The following RPH3AL variants were observed in gnomAD, a reference collection of about 807,000 sequenced individuals.
RPH3AL encodes rabphilin 3A like (without C2 domains), also known as rab effector Noc2.
Under a neutral mutation model 43.1 loss-of-function variants are expected in RPH3AL, and 38 were observed. The observed-to-expected ratio is 0.88, with a 90% CI of 0.68 to 1.15. RPH3AL has a LOEUF of 1.15. Ranked by LOEUF, RPH3AL falls within the 50% of genes most tolerant of loss-of-function variation. The pLI is 0.00. For missense variants in RPH3AL, 462 were observed against 423.2 expected, an observed-to-expected ratio of 1.09 and a Z score of -0.81; for synonymous variants, 189 against 176.3, an observed-to-expected ratio of 1.07 and a Z score of -0.57.
At chr17:221,723 G>C (rs62059575) in intron 7 of RPH3AL, among the ~76,000 whole-genome samples, 364 of 80,440 alleles carry the variant, frequency 4.5e-3, no homozygotes, top group Middle Eastern at 0.015. Flanking sequence ...CATCAGCTCT[G>C]AGGCCTCCAC....
intron 2 of RPH3AL, chr17:332,568 C>G (rs925789893): frequency 5.7e-6 from 1 of 176,482 alleles, no homozygotes. Context: ...AACTGTATTT[C>G]ATCAGAGAGA....
intron 2 of RPH3AL, chr17:331,579 C>T (rs781349963): frequency 1.3e-5 from 17 of 1,280,728 alleles, no homozygotes; most frequent in South Asian, 1.0e-4. Context: ...GGAAGGGCAA[C>T]TCGAGGAGGC....
intron 7 of RPH3AL, among the ~76,000 whole-genome samples, chr17:224,953 G>A (rs1216250501): frequency 6.8e-5 from 6 of 88,764 alleles, no homozygotes; most frequent in African/African-American, 1.8e-4. Flanking sequence ...ATCACACACC[G>A]GGGCCTGTCA....
In RPH3AL at chr17:333,280, C is replaced by T. The variant is rs547839985; in HGVS notation, c.-37+479G>A. ...CAGAGACGGCCATTATGCAGCCTCA[C>T]GTGGTCACTCCTGGGGGCGGTAGGA... On this transcript the variant is annotated intron_variant, in intron 2 of 9. Transcript: ENST00000331302. The surrounding 1 kb of genome is among the most constrained non-coding windows in gnomAD (Gnocchi z 4.5). The T allele has an allele frequency of 1.6e-5, 21 of 1,288,188 alleles. No individual in the cohort carries two copies. Among genetic ancestry groups the T allele is most frequent in the Admixed American group, 1.6e-4 (7 of 43,554 alleles). The allele number at this position is 1,288,188 out of a possible 1,614,324, so 79.8% of individuals were successfully genotyped here.
chr17:295,428 A>T (rs2043154385), intron 5 of RPH3AL, among the ~76,000 whole-genome samples: 1 of 111,626 alleles, frequency 9.0e-6, no homozygotes, highest in Admixed American at 9.0e-5. Flanking sequence ...GGGAATGCAC[A>T]TCAGTGTGGG....
chr17:310,390 G>A (rs563048184), intron 5 of RPH3AL, among the ~76,000 whole-genome samples: 38 of 152,128 alleles, frequency 2.5e-4, no homozygotes, highest in African/African-American at 8.7e-4. Flanking sequence ...CTGGGGGCGC[G>A]TGTGTGTGCC....
chr17:238,853 C>A (rs1342270082), intron 7 of RPH3AL, among the ~76,000 whole-genome samples: 2 of 152,148 alleles, frequency 1.3e-5, no homozygotes, highest in Non-Finnish European at 1.5e-5. Context: ...CCCACAGCAC[C>A]GGTGCCGCCA....
At position 323,495 on chromosome 17, in the gene RPH3AL, C is replaced by T. The variant is rs913715241; in HGVS notation, c.78-2080G>A. Among the ~76,000 whole-genome samples the T allele has an allele frequency of 2.0e-5, 3 of 152,226 alleles. No homozygotes were observed. Among genetic ancestry groups the T allele is most frequent in the Non-Finnish European group, 4.4e-5 (3 of 68,040 alleles). ...ACCCCTACCTACTGGTTTGTTCCAT[C>T]TGAGCATTTCGGAGGCTCCAGGGGT... On this transcript the variant is annotated intron_variant, in intron 3 of 9. Transcript: ENST00000331302. The surrounding 1 kb of genome is among the most constrained non-coding windows in gnomAD (Gnocchi z 4.4).
chr17:278,688 C>T (rs868146696), intron 6 of RPH3AL, among the ~76,000 whole-genome samples: 4 of 152,158 alleles, frequency 2.6e-5, no homozygotes, highest in South Asian at 2.1e-4. Context: ...ACTTGATCAC[C>T]GTCTGTGACA....
intron 8 of RPH3AL, among the ~76,000 whole-genome samples, chr17:217,462 C>T (rs112715135): frequency 1.7e-3 from 77 of 46,276 alleles, no homozygotes; most frequent in Non-Finnish European, 2.3e-3. Flanking sequence ...AATCAGGACC[C>T]CCAAGGCATT....
In RPH3AL at chr17:332,990, G is replaced by C. The variant is rs1162783450; in HGVS notation, c.-37+769C>G. 4 of 1,282,190 alleles carry C rather than the reference G, an allele frequency of 3.1e-6. No homozygotes were observed. In the African/African-American group the frequency reaches 4.6e-5, roughly 15 times the overall value. The allele number at this position is 1,282,190 out of a possible 1,614,324, so 79.4% of individuals were successfully genotyped here. Reference sequence around the variant, plus strand: ...ATAATTTCCCGAAAAATTCCTAGGGGACAGAGGCTCATCAGCCCCAGGCAA... The same window carrying C: ...ATAATTTCCCGAAAAATTCCTAGGGCACAGAGGCTCATCAGCCCCAGGCAA... On this transcript the variant is annotated intron_variant, in intron 2 of 9. Coordinates refer to ENST00000331302, the MANE Select transcript of RPH3AL (RefSeq NM_006987.4).
At chr17:258,553 C>T (rs2042121812) in intron 6 of RPH3AL, among the ~76,000 whole-genome samples, 1 of 152,138 alleles carries the variant, frequency 6.6e-6, no homozygotes. Context: ...GCCTCTCCTC[C>T]CCAGCTGCCC....
chr17:302,468 C>T (rs1003057542), intron 5 of RPH3AL, among the ~76,000 whole-genome samples: 15 of 152,196 alleles, frequency 9.9e-5, no homozygotes, highest in African/African-American at 2.4e-4. Context: ...GGATTTCAGA[C>T]GTGGGCAGGT....
At chr17:251,738 CG>C (rs1468468441) in intron 6 of RPH3AL, among the ~76,000 whole-genome samples, 1 of 152,230 alleles carries the variant, frequency 6.6e-6, no homozygotes, top group African/African-American at 2.4e-5. Context: ...CAAAAGGCCA[CG>C]GGGGCCATGG....
rs544438827 is a variant in RPH3AL at position 341,355 on chromosome 17, A to C, written c.-212-7421T>G. The C allele has an allele frequency of 2.6e-5, 4 of 152,236 alleles. No individual in the cohort carries two copies. The South Asian group carries it at 8.3e-4, about 32-fold the overall frequency. The allele number at this position is 152,236 out of a possible 1,614,324, so 9.4% of individuals were successfully genotyped here. The stretch of plus-strand genomic sequence containing the variant: ...TGAGAGCCCAGAAATAAACCCATAC[A>C]TCCGTGGTCAACTGACTTTCAACAA... On this transcript the variant is annotated intron_variant, in intron 1 of 9. Transcript: ENST00000331302.
intron 5 of RPH3AL, among the ~76,000 whole-genome samples, chr17:315,137 C>G (rs1598090851): frequency 6.6e-6 from 1 of 152,200 alleles, no homozygotes; most frequent in African/African-American, 2.4e-5. Flanking sequence ...CTCTGTGCTC[C>G]ACCTCCATTG....
chr17:344,522 T>A (rs2045200510), intron 1 of RPH3AL, among the ~76,000 whole-genome samples: 6 of 130,046 alleles, frequency 4.6e-5, no homozygotes, highest in Admixed American at 4.4e-4. Flanking sequence ...CCATCATCAC[T>A]ATCATCATCA....
rs1204347731 is a variant in RPH3AL, at chr17:283,862, G to A, written c.352-2008C>T. On this transcript the variant is annotated intron_variant, in intron 5 of 9. Coordinates refer to ENST00000331302, the MANE Select transcript of RPH3AL (RefSeq NM_006987.4). This position sits in a 1 kb window ranked among gnomAD's most constrained non-coding sequence, Gnocchi z 4.2. ...ACCTCTTCCACCCTTCGCTCCTAATGTTCCCACCTCTACAACAGGGTCCCC... is the reference window on the plus strand; with the variant it reads ...ACCTCTTCCACCCTTCGCTCCTAATATTCCCACCTCTACAACAGGGTCCCC... Among the ~76,000 whole-genome samples the A allele has an allele frequency of 2.6e-5, 4 of 152,186 alleles. No homozygotes were observed. The highest frequency in any genetic ancestry group is 1.9e-4 in the East Asian group (1 of 5,174).
chr17:301,355 G>A (rs1366675549), intron 5 of RPH3AL, among the ~76,000 whole-genome samples: 2 of 152,182 alleles, frequency 1.3e-5, no homozygotes, highest in African/African-American at 4.8e-5. Flanking sequence ...CTAGGCTAGA[G>A]TGCAGTGGCG....
Sources: allele counts gnomAD v4.1 joint callset (sites outside exome capture counted in the v4.1 genomes callset), GRCh38; gene constraint gnomAD v4.1.1; non-coding constraint Gnocchi (gnomAD v3.1); transcripts MANE v1.5; gene names NCBI Gene and HGNC (gene_info 2026-07-23, HGNC 2026-07-21).